Variants in ACLY observed in about 807,000 individuals in gnomAD.
ACLY encodes ATP-citrate synthase.
Under a neutral mutation model 133.0 loss-of-function variants are expected in ACLY, and 41 were observed. The ratio of observed to expected loss-of-function variants is 0.31; its 90% CI spans 0.24 to 0.40. The LOEUF (loss-of-function observed/expected upper bound fraction) is 0.40. Ranked by LOEUF, ACLY falls within the 10% of genes least tolerant of loss-of-function variation. The pLI, the probability that ACLY is intolerant of heterozygous loss-of-function variation, is 1.00. For missense variants in ACLY, 1,046 were observed against 1,453.8 expected (o/e 0.72, Z 4.56); for synonymous variants, 495 against 549.3 (o/e 0.90, Z 1.38).
chr17:41,923,781 C>A (rs1351509783), upstream of ACLY, among the ~76,000 whole-genome samples: 1 of 152,062 alleles, frequency 6.6e-6, no homozygotes. Flanking sequence ...AAGGGTCTAC[C>A]TAAGTGTCCA....
At chr17:41,884,091 G>A in intron 19 of ACLY, 102 bp downstream of exon 19, 5 of 694,724 alleles carry the variant, frequency 7.2e-6, no homozygotes, top group South Asian at 6.8e-5. Context: ...ACCAGGGACT[G>A]TCCCTTTAAG....
Position 41,869,478 on chromosome 17 carries a change from G to A in ACLY, c.3047C>T (p.Ser1016Leu), listed in dbSNP as rs2048544630. ...AGGAAGTTTTTTCTTTGTTACCTTC[G>A]AGGTGGTAATCTTCTCTACTTCCAG... ...YALEVEKITT[S>L]KKPNLILNVD... Residue 1016 changes from serine to leucine, a missense_variant, in exon 26 of 29, where the codon TCG becomes TTG. Coordinates refer to ENST00000352035, the MANE Select transcript of ACLY (RefSeq NM_001096.3). 1 of 1,612,436 alleles carries A rather than the reference G, an allele frequency of 6.2e-7. No individual in the cohort carries two copies. The highest frequency in any genetic ancestry group is 1.3e-5 in the African/African-American group (1 of 74,986).
chr17:41,927,583 T>A (rs927360266), intron 1 of ACLY, among the ~76,000 whole-genome samples: 1 of 152,194 alleles, frequency 6.6e-6, no homozygotes, highest in Non-Finnish European at 1.5e-5. Flanking sequence ...CACAGCACTT[T>A]GGGAGGCTAA....
At chr17:41,918,249 T>C (rs2050108178) in intron 1 of ACLY, among the ~76,000 whole-genome samples, 1 of 152,208 alleles carries the variant, frequency 6.6e-6, no homozygotes, top group South Asian at 2.1e-4. Context: ...ATACCTCCAG[T>C]GCGAGGAGGG....
upstream of ACLY, among the ~76,000 whole-genome samples, chr17:41,919,504 C>T (rs1443967147): frequency 6.6e-6 from 1 of 152,240 alleles, no homozygotes; most frequent in African/African-American, 2.4e-5. Context: ...TCCCTGGACT[C>T]TCCCCACTGG....
rs2048545549 is a variant in ACLY at position 41,869,527 on chromosome 17, C to T, written c.2998G>A (p.Ala1000Thr). The stretch of plus-strand genomic sequence containing the variant: ...AGTGCATAATCGAGCAGAGGAGTGG[C>T]AGGGAAGTGCTGCCTGACGTAATCT... ...LKDYVRQHFP[A>T]TPLLDYALEV... The change falls in exon 26 of 29, where the codon GCC (alanine) becomes ACC (threonine). Residue 1000 changes from alanine to threonine, a missense_variant. Transcript: ENST00000352035. 4 of 1,613,984 alleles carry T rather than the reference C, an allele frequency of 2.5e-6. No homozygotes were observed. Among genetic ancestry groups the T allele is most frequent in the Non-Finnish European group, 2.5e-6 (3 of 1,180,044 alleles).
Position 41,900,069 on chromosome 17 carries a change from CAAAA to C in ACLY, c.1184-1288_1184-1285del, listed in dbSNP as rs60296550. Among the ~76,000 whole-genome samples the C allele has an allele frequency of 1.7e-3, 81 of 46,626 alleles. 1 individual carries two copies. The highest frequency in any genetic ancestry group is 4.5e-3 in the African/African-American group (68 of 15,184). 30.6% of individuals were successfully genotyped at this position (46,626 alleles called of 152,430 possible). On this transcript the variant is annotated intron_variant, in intron 11 of 28. Coordinates refer to ENST00000352035, the MANE Select transcript of ACLY (RefSeq NM_001096.3). Reference sequence around the variant, plus strand: ...GGGTGACAGAGTGAGACCCTGTCTCCAAAAAAAAAAAAAAAAAAAAAAAAAAATT... The same window carrying C: ...GGGTGACAGAGTGAGACCCTGTCTCCAAAAAAAAAAAAAAAAAAAAAAATT...
chr17:41,889,748 C>T (rs886812060), intron 16 of ACLY, among the ~76,000 whole-genome samples: 16 of 108,866 alleles, frequency 1.5e-4, no homozygotes, highest in African/African-American at 4.8e-4. Flanking sequence ...TACAATAGCA[C>T]GACCTTGGCT....
chr17:41,918,993 C>G (rs1439531826), upstream of ACLY: 3 of 1,286,526 alleles, frequency 2.3e-6, no homozygotes, highest in Non-Finnish European at 3.0e-6. Flanking sequence ...CCCGGCCCAG[C>G]CGGACTTTTC....
At position 41,868,733 on chromosome 17, in the gene ACLY, G is replaced by A. The variant is rs782295118; in HGVS notation, c.3187C>T (p.Leu1063=). The A allele has an allele frequency of 8.7e-6, 14 of 1,612,762 alleles. No individual in the cohort carries two copies. The Admixed American group carries it at 1.7e-4, about 19-fold the overall frequency. The change falls in exon 28 of 29, where the codon CTG becomes TTG. Residue 1063 remains leucine (L), a synonymous_variant. Coordinates refer to ENST00000352035, the MANE Select transcript of ACLY (RefSeq NM_001096.3). The part of the protein sequence containing the change: ...DIGALNGIFV[L]GRSMGFIGHY... ...CCAATGAACCCCATACTCCTTCCCAGCACAAAGATGCCATTGAGGGCTCCA... is the reference window on the plus strand; with the variant it reads ...CCAATGAACCCCATACTCCTTCCCAACACAAAGATGCCATTGAGGGCTCCA...
intron 7 of ACLY, 34 bp downstream of exon 7, chr17:41,907,408 C>T (rs578056642): frequency 6.2e-7 from 1 of 1,603,022 alleles, no homozygotes; most frequent in Non-Finnish European, 8.5e-7. Flanking sequence ...CCGCCCTCCC[C>T]CCAGTCCCCA....
chr17:41,888,125 C>G (rs1286809976), intron 16 of ACLY, among the ~76,000 whole-genome samples: 7 of 151,952 alleles, frequency 4.6e-5, no homozygotes, highest in African/African-American at 1.7e-4. Flanking sequence ...GAGACTCCAT[C>G]TCAAAAACAA....
intron 1 of ACLY, 116 bp from the exon 2 acceptor site, chr17:41,914,012 T>G (rs2049981323): frequency 2.9e-6 from 3 of 1,019,176 alleles, no homozygotes; most frequent in Non-Finnish European, 2.9e-6. Context: ...ATCTCAGCTT[T>G]TCTCAAGAGG....
rs181210829 is a variant in ACLY, at chr17:41,868,266, G to A, written c.3212-362C>T. Among the ~76,000 whole-genome samples, 173 of 151,842 alleles carry A rather than the reference G, an allele frequency of 1.1e-3. 3 individuals carry two copies. Among genetic ancestry groups the A allele is most frequent in the Middle Eastern group, 3.4e-3 (1 of 294 alleles). ...ATCCTGGCTAACATGGTGAAACCCC[G>A]TCTCTACTAAAAATACAAAAAATTA... On this transcript the variant is annotated intron_variant, in intron 28 of 28. Coordinates refer to ENST00000352035, the MANE Select transcript of ACLY (RefSeq NM_001096.3).
chr17:41,924,911 A>G (rs1642327259), intron 1 of ACLY, among the ~76,000 whole-genome samples: 1 of 152,096 alleles, frequency 6.6e-6, no homozygotes, highest in Admixed American at 6.5e-5. Flanking sequence ...CCCACCAGGT[A>G]TGTTCCTATA....
At chr17:41,873,722 C>T in intron 23 of ACLY, 89 bp downstream of exon 23, 1 of 1,422,198 alleles carries the variant, frequency 7.0e-7, no homozygotes, top group African/African-American at 1.5e-5. Context: ...GACACACTCC[C>T]CAGGCCTGTC....
intron 20 of ACLY, among the ~76,000 whole-genome samples, chr17:41,882,203 C>T (rs2048933004): frequency 6.6e-6 from 1 of 151,458 alleles, no homozygotes; most frequent in Non-Finnish European, 1.5e-5. Context: ...TCCATCTCTA[C>T]TAAGAATACA....
In ACLY at chr17:41,905,676, G is replaced by A; in HGVS notation, c.867-18C>T. 6.2e-7 allele frequency: 1 copy of A among 1,614,144 alleles called. No individual in the cohort carries two copies. The highest frequency in any genetic ancestry group is 8.5e-7 in the Non-Finnish European group (1 of 1,179,994). ...TGGTATCGCTGCCAAGGAGACAGAAGTCAGTGATGGCTCTCACACTTGGGG... is the reference window on the plus strand; with the variant it reads ...TGGTATCGCTGCCAAGGAGACAGAAATCAGTGATGGCTCTCACACTTGGGG... On this transcript the variant is annotated intron_variant, in intron 8 of 28. Coordinates refer to ENST00000352035, the MANE Select transcript of ACLY (RefSeq NM_001096.3).
At chr17:41,929,548 C>A (rs2050288772) in intron 1 of ACLY, among the ~76,000 whole-genome samples, 1 of 152,204 alleles carries the variant, frequency 6.6e-6, no homozygotes. Flanking sequence ...CCCTCACAGG[C>A]ACACAGAACT....
Sources: allele counts gnomAD v4.1 joint callset (sites outside exome capture counted in the v4.1 genomes callset), GRCh38; gene constraint gnomAD v4.1.1; transcripts MANE v1.5; gene names NCBI Gene and HGNC (gene_info 2026-07-23, HGNC 2026-07-21).